ERI1: variants seen among roughly 807,000 people sequenced by gnomAD.
ERI1 encodes 3'-5' exoribonuclease 1.
A neutral mutation model predicts 39.7 loss-of-function variants in ERI1; 39 were observed. That is an observed-to-expected ratio of 0.98 (90% CI 0.76 to 1.28). The LOEUF (loss-of-function observed/expected upper bound fraction) is 1.28, where lower values mean the gene tolerates loss of function less well. ERI1 is among the 50% of genes most tolerant of loss of function. ERI1 has a pLI of 0.00. For synonymous variants in ERI1, 204 were observed against 149.6 expected (o/e 1.36, Z -2.65); for missense variants, 581 against 416.9 (o/e 1.39, Z -3.43).
chr8:9,034,050 C>T (rs1202150630), downstream of ERI1, among the ~76,000 whole-genome samples: 5 of 152,174 alleles, frequency 3.3e-5, no homozygotes, highest in African/African-American at 1.2e-4. Context: ...AAAATTTCCT[C>T]CATGTTCTTG....
chr8:9,027,123 CTTG>C lies in ERI1; in HGVS notation c.808-2666_808-2664del, dbSNP rs1401453192. On this transcript the variant is annotated intron_variant, in intron 6 of 6. Coordinates refer to ENST00000250263, the MANE Select transcript of ERI1 (RefSeq NM_153332.4). The stretch of plus-strand genomic sequence containing the variant: ...TACATTCTCCACATCTCTGTCAATG[CTTG>C]TTATTTTCTGGTGTGTGTGTGTATG... Among the ~76,000 whole-genome samples, 22 of 136,026 alleles carry C rather than the reference CTTG, an allele frequency of 1.6e-4. No homozygotes were observed. The East Asian group carries it at 1.8e-3, about 11-fold the overall frequency. 89.2% of individuals were successfully genotyped at this position (136,026 alleles called of 152,430 possible).
intron 3 of ERI1, among the ~76,000 whole-genome samples, chr8:9,054,589 C>T (rs1208436758): frequency 3.9e-5 from 6 of 152,312 alleles, no homozygotes; most frequent in African/African-American, 1.2e-4. Flanking sequence ...GTAAACTATC[C>T]GTGTTTACAT....
intron 6 of ERI1, among the ~76,000 whole-genome samples, chr8:9,024,289 G>C (rs998147120): frequency 6.6e-6 from 1 of 152,212 alleles, no homozygotes; most frequent in African/African-American, 2.4e-5. Flanking sequence ...ACAGATTTTT[G>C]TATAAGATTT....
At chr8:9,095,118 G>A (rs1799835774) in intron 3 of ERI1, among the ~76,000 whole-genome samples, 1 of 152,204 alleles carries the variant, frequency 6.6e-6, no homozygotes, top group Non-Finnish European at 1.5e-5. Context: ...TAGGACTGGT[G>A]TGAAGACTAA....
intron 4 of ERI1, 88 bp from the exon 5 acceptor site, chr8:9,018,209 C>T (rs1271697862): frequency 3.1e-6 from 2 of 654,750 alleles, no homozygotes; most frequent in Non-Finnish European, 5.4e-6. Flanking sequence ...CATACTGTTT[C>T]TTCCCCTCCA....
At chr8:9,024,152 A>G (rs957359336) in intron 6 of ERI1, among the ~76,000 whole-genome samples, 2 of 152,176 alleles carry the variant, frequency 1.3e-5, no homozygotes, top group Non-Finnish European at 2.9e-5. Flanking sequence ...GAAATGGGTA[A>G]TTAAACTTGG....
At chr8:9,016,250 A>C (rs1476920180) in intron 3 of ERI1, 72 bp from the exon 4 acceptor site, 2 of 851,294 alleles carry the variant, frequency 2.3e-6, no homozygotes, top group Admixed American at 2.5e-5. Context: ...GCTGTGATGA[A>C]TTCGTCGTGT....
At chr8:9,088,307 G>C (rs1799591094) in intron 3 of ERI1, among the ~76,000 whole-genome samples, 1 of 151,892 alleles carries the variant, frequency 6.6e-6, no homozygotes, top group Non-Finnish European at 1.5e-5. Context: ...GAATAATTCA[G>C]GTCAAATTAG....
At chr8:9,020,823 C>T (rs1175685556) in intron 6 of ERI1, among the ~76,000 whole-genome samples, 1 of 152,096 alleles carries the variant, frequency 6.6e-6, no homozygotes, top group Non-Finnish European at 1.5e-5. Context: ...TATTGCAAGA[C>T]TTACAATGAA....
At chr8:9,096,664 C>T (rs1293125405) in intron 3 of ERI1, 5 of 149,108 alleles carry the variant, frequency 3.4e-5, no homozygotes, top group Non-Finnish European at 5.9e-5. Context: ...TCCAAAGTCC[C>T]GTTCTATGAA....
Position 9,082,754 on chromosome 8 carries a change from C to G in ERI1, n.300-33594C>G, listed in dbSNP as rs1168050649. On this transcript the variant is annotated intron_variant and non_coding_transcript_variant, in intron 3 of 3. Coordinates refer to the ERI1 transcript ENST00000518663. ...ACAGAAAGTCCACCCTTGAACCTAT[C>G]TAACGTCTAGGAGAAAGTCTTTCTA... 2.0e-5 allele frequency among the ~76,000 whole-genome samples: 3 copies of G among 152,130 alleles called. No individual in the cohort carries two copies. The East Asian group carries it at 5.8e-4, about 29-fold the overall frequency.
chr8:9,091,014 C>T (rs1219559795), intron 3 of ERI1, among the ~76,000 whole-genome samples: 2 of 152,124 alleles, frequency 1.3e-5, no homozygotes, highest in African/African-American at 2.4e-5. Flanking sequence ...CAAGGGACAC[C>T]AATGATCTTC....
chr8:9,048,309 G>T (rs967511347), intron 3 of ERI1: 1 of 154,322 alleles, frequency 6.5e-6, no homozygotes, highest in Admixed American at 6.5e-5. Context: ...CTGCATTAGG[G>T]AAGCAGTGAT....
At chr8:9,024,875 T>C (rs2117273348) in intron 6 of ERI1, among the ~76,000 whole-genome samples, 1 of 152,306 alleles carries the variant, frequency 6.6e-6, no homozygotes, top group South Asian at 2.1e-4. Flanking sequence ...GAATTTAAGA[T>C]AAGCTCACAT....
At chr8:9,076,746 G>C (rs1179411176) in intron 3 of ERI1, among the ~76,000 whole-genome samples, 1 of 152,220 alleles carries the variant, frequency 6.6e-6, no homozygotes, top group Non-Finnish European at 1.5e-5. Flanking sequence ...TATTTAACAA[G>C]AAGAGAAATC....
intron 3 of ERI1, among the ~76,000 whole-genome samples, chr8:9,093,046 T>C (rs1799757158): frequency 6.6e-6 from 1 of 152,220 alleles, no homozygotes; most frequent in Non-Finnish European, 1.5e-5. Context: ...TGTCTCCAAA[T>C]TTCCGCTTTT....
chr8:9,007,631 T>TA (rs1451511573), intron 1 of ERI1, among the ~76,000 whole-genome samples: 1 of 152,220 alleles, frequency 6.6e-6, no homozygotes, highest in Non-Finnish European at 1.5e-5. Flanking sequence ...CAGAGGCTAA[T>TA]ACGTAGCTAT....
chr8:9,077,887 C>T (rs1277847756), intron 3 of ERI1, among the ~76,000 whole-genome samples: 1 of 152,210 alleles, frequency 6.6e-6, no homozygotes, highest in Non-Finnish European at 1.5e-5. Flanking sequence ...CAACACCAAC[C>T]CCATCCAACC....
chr8:9,054,439 G>A (rs1798446808), intron 3 of ERI1, among the ~76,000 whole-genome samples: 1 of 152,118 alleles, frequency 6.6e-6, no homozygotes, highest in Non-Finnish European at 1.5e-5. Context: ...GACAGAAAGG[G>A]GATGATCCCT....
Sources: allele counts gnomAD v4.1 joint callset (sites outside exome capture counted in the v4.1 genomes callset), GRCh38; gene constraint gnomAD v4.1.1; transcripts MANE v1.5; gene names NCBI Gene and HGNC (gene_info 2026-07-23, HGNC 2026-07-21).